Variants in SULF1 observed in about 807,000 individuals in gnomAD.
The protein encoded by SULF1 is extracellular sulfatase Sulf-1.
In SULF1, 46 loss-of-function variants were observed where a neutral mutation model predicts 110.5. The ratio of observed to expected loss-of-function variants is 0.42; its 90% confidence interval spans 0.33 to 0.53. The LOEUF (loss-of-function observed/expected upper bound fraction) is 0.53, where lower values mean the gene tolerates loss of function less well. Ranked by LOEUF, SULF1 falls within the 20% of genes least tolerant of loss-of-function variation. SULF1 has a pLI of 0.12. For missense variants in SULF1, 941 were observed against 1,094.2 expected (o/e 0.86, Z 1.98); for synonymous variants, 371 against 387.1 (o/e 0.96, Z 0.49).
At chr8:69,487,830 T>A (rs1809767494) in intron 1 of SULF1, among the ~76,000 whole-genome samples, 1 of 152,230 alleles carries the variant, frequency 6.6e-6, no homozygotes, top group Non-Finnish European at 1.5e-5. Context: ...ATGGTCTTCA[T>A]GCTGTTTATA....
intron 19 of SULF1, among the ~76,000 whole-genome samples, chr8:69,630,136 A>G (rs1165645292): frequency 6.6e-6 from 1 of 152,246 alleles, no homozygotes; most frequent in Non-Finnish European, 1.5e-5. Flanking sequence ...ACTTATTCTC[A>G]GTCCACTTCA....
chr8:69,637,028 T>C (rs923036478), intron 19 of SULF1, among the ~76,000 whole-genome samples: 49 of 152,174 alleles, frequency 3.2e-4, no homozygotes, highest in African/African-American at 1.1e-3. Context: ...ACAATCTGAT[T>C]AAGAAATGGT....
At chr8:69,618,900 TG>T (rs1809383671) in intron 13 of SULF1, among the ~76,000 whole-genome samples, 1 of 152,232 alleles carries the variant, frequency 6.6e-6, no homozygotes, top group South Asian at 2.1e-4. Context: ...CATATCATTT[TG>T]TACACGAGTG....
chr8:69,544,309 C>T (rs1426590000), intron 3 of SULF1, among the ~76,000 whole-genome samples: 2 of 151,770 alleles, frequency 1.3e-5, no homozygotes, highest in African/African-American at 2.4e-5. Flanking sequence ...CGTTCTGTCA[C>T]CCAGGTTGGA....
chr8:69,658,429 C>A, intron 22 of SULF1, 76 bp from the exon 23 acceptor site: 1 of 1,062,670 alleles, frequency 9.4e-7, no homozygotes, highest in Non-Finnish European at 1.4e-6. Flanking sequence ...TCTGTAAAAA[C>A]AATGTAAGTT....
At chr8:69,554,493 T>C (rs1055315077) in intron 3 of SULF1, among the ~76,000 whole-genome samples, 1 of 152,292 alleles carries the variant, frequency 6.6e-6, no homozygotes, top group Middle Eastern at 3.4e-3. Flanking sequence ...AATAAAATGC[T>C]AAGTTTTTAT....
At chr8:69,498,111 CTCCA>C (rs898607185) in intron 2 of SULF1, among the ~76,000 whole-genome samples, 23 of 104,294 alleles carry the variant, frequency 2.2e-4, no homozygotes, top group Admixed American at 1.4e-3. Flanking sequence ...CTCTCTCTCT[CTCCA>C]CACACACACA....
chr8:69,526,260 C>T (rs939380680), intron 3 of SULF1, among the ~76,000 whole-genome samples: 2 of 152,006 alleles, frequency 1.3e-5, no homozygotes, highest in African/African-American at 4.8e-5. Context: ...CTTCAGTTTC[C>T]TGTAAAGATA....
intron 15 of SULF1, among the ~76,000 whole-genome samples, chr8:69,625,462 C>T (rs969663748): frequency 2.6e-5 from 4 of 152,228 alleles, no homozygotes; most frequent in African/African-American, 9.6e-5. Flanking sequence ...GTGAGTGTTA[C>T]AGCTCTTAAG....
chr8:69,627,330 C>A, intron 16 of SULF1, 24 bp downstream of exon 16: 2 of 1,584,172 alleles, frequency 1.3e-6, no homozygotes, highest in South Asian at 1.1e-5. Flanking sequence ...ATGTGACTGT[C>A]AGATATATTC....
chr8:69,638,882 T>C (rs188009207), intron 21 of SULF1, 24 bp downstream of exon 21: 1 of 1,594,864 alleles, frequency 6.3e-7, no homozygotes, highest in African/African-American at 1.4e-5. Flanking sequence ...TACTATTTTT[T>C]CTATTTTACC....
intron 3 of SULF1, among the ~76,000 whole-genome samples, chr8:69,536,129 C>A (rs1027662100): frequency 6.6e-6 from 1 of 152,226 alleles, no homozygotes; most frequent in African/African-American, 2.4e-5. Context: ...TGATCATGTA[C>A]TCTTTATAGT....
At chr8:69,629,740 T>C in intron 19 of SULF1, 61 bp downstream of exon 19, 1 of 1,396,668 alleles carries the variant, frequency 7.2e-7, no homozygotes. Context: ...ACTCATAACT[T>C]AGATCAGAAA....
intron 13 of SULF1, among the ~76,000 whole-genome samples, chr8:69,606,221 T>C (rs564208325): frequency 6.6e-6 from 1 of 152,184 alleles, no homozygotes; most frequent in African/African-American, 2.4e-5. Flanking sequence ...CCCTTTGAAA[T>C]AGAAGAGGAT....
chr8:69,580,829 A>C (rs576101581), intron 6 of SULF1, among the ~76,000 whole-genome samples: 2 of 152,304 alleles, frequency 1.3e-5, no homozygotes, highest in South Asian at 2.1e-4. Context: ...GAAAAAGAAA[A>C]ATTATATCAA....
intron 3 of SULF1, among the ~76,000 whole-genome samples, chr8:69,535,563 G>A (rs1052586773): frequency 6.6e-6 from 1 of 152,130 alleles, no homozygotes; most frequent in East Asian, 1.9e-4. Flanking sequence ...AAAGGAAAAA[G>A]GCAAATAGGG....
chr8:69,588,634 G>A (rs575093531), intron 7 of SULF1, among the ~76,000 whole-genome samples: 3 of 152,222 alleles, frequency 2.0e-5, no homozygotes, highest in South Asian at 4.1e-4. Flanking sequence ...ACTGAAATAT[G>A]TATCCGGTGT....
intron 22 of SULF1, among the ~76,000 whole-genome samples, chr8:69,645,528 C>T (rs991228106): frequency 6.6e-5 from 10 of 152,208 alleles, no homozygotes; most frequent in Admixed American, 6.5e-4. Flanking sequence ...TGTTAGAATG[C>T]ACGATGCAAA....
chr8:69,503,208 GA>G (rs1810936156), intron 3 of SULF1, among the ~76,000 whole-genome samples: 1 of 152,172 alleles, frequency 6.6e-6, no homozygotes, highest in Non-Finnish European at 1.5e-5. Context: ...TGAAGAAAGT[GA>G]ATGGTTCAAA....
Sources: allele counts gnomAD v4.1 joint callset (sites outside exome capture counted in the v4.1 genomes callset), GRCh38; gene constraint gnomAD v4.1.1; transcripts MANE v1.5; gene names NCBI Gene and HGNC (gene_info 2026-07-23, HGNC 2026-07-21).